Variants in AFTPH observed in about 807,000 individuals in gnomAD.
The protein encoded by AFTPH is aftiphilin protein.
AFTPH carries 7 observed loss-of-function variants against 72.5 expected under a neutral mutation model. The ratio of observed to expected loss-of-function variants is 0.10; its 90% CI spans 0.05 to 0.18. The LOEUF is 0.18. Ranked by LOEUF, AFTPH falls within the 10% of genes least tolerant of loss-of-function variation. AFTPH has a pLI of 1.00. For synonymous variants in AFTPH, 337 were observed against 370.1 expected (o/e 0.91, Z 1.03); for missense variants, 979 against 1,060.5 (o/e 0.92, Z 1.07).
intron 1 of AFTPH, among the ~76,000 whole-genome samples, chr2:64,543,056 G>A (rs2103872097): frequency 6.6e-6 from 1 of 152,350 alleles, no homozygotes; most frequent in East Asian, 1.9e-4. Flanking sequence ...CTTACCAAAA[G>A]TGGCTGTGGA....
intron 2 of AFTPH, among the ~76,000 whole-genome samples, chr2:64,555,730 A>G (rs1239785362): frequency 6.6e-6 from 1 of 152,194 alleles, no homozygotes; most frequent in Non-Finnish European, 1.5e-5. Flanking sequence ...TTGGGAAGAA[A>G]GTTGAAGTAG....
intron 3 of AFTPH, among the ~76,000 whole-genome samples, chr2:64,568,767 G>C (rs1672243425): frequency 6.6e-6 from 1 of 152,088 alleles, no homozygotes; most frequent in African/African-American, 2.4e-5. Context: ...CCAGCACCAT[G>C]CCTGGCTAAT....
intron 1 of AFTPH, among the ~76,000 whole-genome samples, chr2:64,550,487 A>G (rs996334327): frequency 3.3e-5 from 5 of 152,212 alleles, no homozygotes; most frequent in African/African-American, 1.2e-4. Context: ...GATTCTATTT[A>G]TATATAACAT....
At chr2:64,563,765 C>G (rs1671880562) in intron 2 of AFTPH, among the ~76,000 whole-genome samples, 1 of 152,158 alleles carries the variant, frequency 6.6e-6, no homozygotes, top group Non-Finnish European at 1.5e-5. Context: ...GCCACCACGC[C>G]CAGCTAATTT....
intron 7 of AFTPH, among the ~76,000 whole-genome samples, chr2:64,584,812 G>A (rs1466873123): frequency 2.0e-5 from 3 of 152,028 alleles, no homozygotes; most frequent in Non-Finnish European, 4.4e-5. Flanking sequence ...TAGCCAGGAC[G>A]GTCTTGATCT....
chr2:64,574,051 C>G lies in AFTPH; in HGVS notation c.2394+983C>G, dbSNP rs561556607. Among the ~76,000 whole-genome samples, 18 of 152,272 alleles carry G rather than the reference C, an allele frequency of 1.2e-4. No individual in the cohort carries two copies. In the South Asian group the frequency reaches 3.7e-3, roughly 32 times the overall value. ...TATGTTAATATAAAGTCTTCTCTCA[C>G]TTTTTGTTCGGGTAAAATGGGCCAT... On this transcript the variant is annotated intron_variant, in intron 6 of 8. Transcript: ENST00000238856.
intron 8 of AFTPH, among the ~76,000 whole-genome samples, chr2:64,586,168 A>G (rs920849508): frequency 6.6e-5 from 10 of 152,178 alleles, no homozygotes; most frequent in Non-Finnish European, 1.3e-4. Flanking sequence ...GGCTAGTACA[A>G]TCCATTGCTT....
rs76601156 is a variant in AFTPH, at chr2:64,543,865, C to T, written c.-32-7578C>T. 5.9e-3 allele frequency among the ~76,000 whole-genome samples: 895 copies of T among 152,330 alleles called. 10 individuals carry two copies. The highest frequency in any genetic ancestry group is 0.021 in the African/African-American group (860 of 41,568). ...TTACAGACTCATCATCTCTTCTTTTCCATGACCATTTCAGACTAGAGGTTA... is the reference window on the plus strand; with the variant it reads ...TTACAGACTCATCATCTCTTCTTTTTCATGACCATTTCAGACTAGAGGTTA... On this transcript the variant is annotated intron_variant, in intron 1 of 8. Transcript: ENST00000238856.
chr2:64,576,482 T>C (rs1274820429), intron 6 of AFTPH, among the ~76,000 whole-genome samples: 1 of 152,182 alleles, frequency 6.6e-6, no homozygotes, highest in Non-Finnish European at 1.5e-5. Context: ...AGTTTAAGGG[T>C]GAAAACAGTA....
intron 7 of AFTPH, among the ~76,000 whole-genome samples, chr2:64,581,554 T>C (rs1673199785): frequency 6.6e-6 from 1 of 152,298 alleles, no homozygotes; most frequent in East Asian, 1.9e-4. Flanking sequence ...GGTTTTTTTT[T>C]CCTCTAAGTG....
intron 8 of AFTPH, among the ~76,000 whole-genome samples, chr2:64,590,906 T>C (rs561155917): frequency 1.2e-4 from 18 of 152,366 alleles, no homozygotes; most frequent in African/African-American, 3.4e-4. Context: ...AGGAAACATT[T>C]AGGTCAAAGA....
At chr2:64,527,895 C>G (rs1669375522) in intron 1 of AFTPH, among the ~76,000 whole-genome samples, 1 of 152,078 alleles carries the variant, frequency 6.6e-6, no homozygotes, top group Non-Finnish European at 1.5e-5. Flanking sequence ...GGTAGGGGCT[C>G]ATAGGTCTGT....
chr2:64,527,456 T>C (rs1402852028), intron 1 of AFTPH, among the ~76,000 whole-genome samples: 2 of 152,052 alleles, frequency 1.3e-5, no homozygotes, highest in Admixed American at 1.3e-4. Flanking sequence ...GGCACATGCC[T>C]ATAATCCCAG....
chr2:64,578,681 C>G (rs1240101709), intron 6 of AFTPH, among the ~76,000 whole-genome samples: 1 of 151,912 alleles, frequency 6.6e-6, no homozygotes, highest in Non-Finnish European at 1.5e-5. Context: ...CCTCAGCCTC[C>G]CAAGTAGCTG....
At chr2:64,534,467 CTTATAG>C (rs1000134198) in intron 1 of AFTPH, among the ~76,000 whole-genome samples, 12 of 152,288 alleles carry the variant, frequency 7.9e-5, no homozygotes, top group Admixed American at 1.3e-4. Flanking sequence ...TCACTTCTTA[CTTATAG>C]TTAAGTTACC....
chr2:64,587,618 T>TA (rs1410516022), intron 8 of AFTPH, among the ~76,000 whole-genome samples: 1 of 152,154 alleles, frequency 6.6e-6, no homozygotes, highest in East Asian at 1.9e-4. Context: ...GACTATAGGG[T>TA]AAGAAGGAGT....
chr2:64,541,265 C>T (rs993673427), intron 1 of AFTPH, among the ~76,000 whole-genome samples: 4 of 152,012 alleles, frequency 2.6e-5, no homozygotes, highest in Non-Finnish European at 5.9e-5. Flanking sequence ...GTGGAAGATA[C>T]TATTTATTTA....
chr2:64,552,799 G>A, exon 2 of AFTPH: 1 of 1,614,196 alleles, frequency 6.2e-7, no homozygotes, highest in Non-Finnish European at 8.5e-7. Flanking sequence ...GGCTCTGCCA[G>A]TGGCTCAACT....
Position 64,545,570 on chromosome 2 carries a change from T to TAAAAAAAAAA in AFTPH, c.-32-5840_-32-5831dup, listed in dbSNP as rs58124855. ...CTGTACAATGGAATGCCACCAGCAG[T>TAAAAAAAAAA]AAAAAAAAAAAAAAAAAAAAAAAAA... On this transcript the variant is annotated intron_variant, in intron 1 of 8. Transcript: ENST00000238856. Among the ~76,000 whole-genome samples, 7 of 24,198 alleles carry TAAAAAAAAAA rather than the reference T, an allele frequency of 2.9e-4. 2 individuals are homozygous for TAAAAAAAAAA. The highest frequency in any genetic ancestry group is 1.4e-3 in the Admixed American group (2 of 1,398). 15.9% of individuals were successfully genotyped at this position (24,198 alleles called of 152,430 possible). A position where few individuals can be genotyped will look rare whatever the true frequency, so the allele number is the denominator to read the frequency against.
Sources: gnomAD v4.1 joint callset for allele counts (sites outside exome capture counted in the v4.1 genomes callset) on GRCh38, gnomAD v4.1.1 for gene constraint, MANE v1.5 for transcripts, NCBI Gene and HGNC (gene_info 2026-07-23, HGNC 2026-07-21) for gene names.